Variants in ZNF324 observed in about 807,000 individuals in gnomAD.
ZNF324 encodes the protein zinc finger protein 324, also known as zinc finger protein 324A.
A neutral mutation model predicts 10.3 loss-of-function variants in ZNF324; 3 were observed. That is an observed-to-expected ratio of 0.29 (90% CI 0.13 to 0.75). ZNF324 has a LOEUF of 0.75. Ranked by LOEUF, ZNF324 falls within the 30% of genes least tolerant of loss-of-function variation. The pLI is 0.69. For missense variants in ZNF324, 763 were observed against 784.4 expected, an observed-to-expected ratio of 0.97 and a Z score of 0.33; for synonymous variants, 430 against 339.5, an observed-to-expected ratio of 1.27 and a Z score of -2.93.
chr19:58,468,336 T>C, intron 1 of ZNF324: 9 of 773,424 alleles, frequency 1.2e-5, no homozygotes, highest in Non-Finnish European at 1.4e-5. Flanking sequence ...CCTGGGGCTA[T>C]TGGGAAGAGC....
At position 58,472,477 on chromosome 19, in the gene ZNF324, G is replaced by A. The variant is rs2053045993; in HGVS notation, c.*323G>A. ...ACTGTGGTGCGGCTTCATGTGATAT[G>A]ACAGTGGATGCTAAGGTGAGAGGGA... On this transcript the variant is annotated 3_prime_UTR_variant, in exon 4 of 4. Transcript: ENST00000196482. 3.0e-6 allele frequency: 1 copy of A among 335,556 alleles called. No homozygotes were observed. The allele number at this position is 335,556 out of a possible 1,614,324, so 20.8% of individuals were successfully genotyped here.
In ZNF324 at chr19:58,471,684, G is replaced by A. The variant is rs143882732; in HGVS notation, c.1192G>A (p.Val398Met). 8 of 1,612,834 alleles carry A rather than the reference G, an allele frequency of 5.0e-6. No homozygotes were observed. The highest frequency in any genetic ancestry group is 1.7e-4 in the Middle Eastern group (1 of 6,014). Residue 398 changes from valine to methionine, a missense_variant, in exon 4 of 4, where the codon GTG (valine) becomes ATG (methionine). By Grantham distance (21) the Val-to-Met change is conservative. Around this residue, in one of 3 missense-constraint regions of ZNF324, gnomAD observed 153 missense variants for 269.0 expected, o/e 0.57. Coordinates refer to ENST00000196482, the MANE Select transcript of ZNF324 (RefSeq NM_014347.3). ...ERTHTGEKPF[V>M]CALCGAAFSQ... ...TACGCACACAGGCGAGAAGCCCTTC[G>A]TGTGCGCGCTCTGCGGTGCTGCCTT...
Position 58,475,051 on chromosome 19 carries a change from T to G in ZNF324, c.*2897T>G, listed in dbSNP as rs1478248920. 6.6e-6 allele frequency: 1 copy of G among 151,344 alleles called. No individual in the cohort carries two copies. Among genetic ancestry groups the G allele is most frequent in the Admixed American group, 6.6e-5 (1 of 15,216 alleles). 9.4% of individuals were successfully genotyped at this position (151,344 alleles called of 1,614,324 possible). A position where few individuals can be genotyped will look rare whatever the true frequency, so the allele number is the denominator to read the frequency against. ...CATGGTGGAGGGTGAAAGTTTTTGT[T>G]TTTTTTTCCTTCTGGGACTCTGCAT... On this transcript the variant is annotated 3_prime_UTR_variant, in exon 4 of 4. Coordinates refer to ENST00000196482, the MANE Select transcript of ZNF324 (RefSeq NM_014347.3).
intron 3 of ZNF324, among the ~76,000 whole-genome samples, chr19:58,470,315 G>C (rs2053016951): frequency 6.8e-6 from 1 of 147,892 alleles, no homozygotes; most frequent in South Asian, 2.3e-4. Context: ...CAGGATTCAG[G>C]AGTATAGTCT....
At position 58,475,038 on chromosome 19, in the gene ZNF324, T is replaced by C. The variant is rs1412140937; in HGVS notation, c.*2884T>C. The C allele has an allele frequency of 6.6e-6, 1 of 151,728 alleles. No homozygotes were observed. The highest frequency in any genetic ancestry group is 1.5e-5 in the Non-Finnish European group (1 of 67,946). 9.4% of individuals were successfully genotyped at this position (151,728 alleles called of 1,614,324 possible). ...AGTGCTCTCCCCACATGGTGGAGGG[T>C]GAAAGTTTTTGTTTTTTTTTCCTTC... On this transcript the variant is annotated 3_prime_UTR_variant, in exon 4 of 4. Transcript: ENST00000196482.
chr19:58,472,576 C>T lies in ZNF324; in HGVS notation c.*422C>T, dbSNP rs10406686. The T allele has an allele frequency of 0.019, 3,309 of 170,462 alleles. 111 individuals carry two copies. The highest frequency in any genetic ancestry group is 0.072 in the African/African-American group (3,037 of 42,194). 10.6% of individuals were successfully genotyped at this position (170,462 alleles called of 1,614,324 possible). ...ACAAACTGGCCGCTGGAGAGATGCC[C>T]GCTGAGGGTATTCTCCCCTCAACCC... On this transcript the variant is annotated 3_prime_UTR_variant, in exon 4 of 4. Coordinates refer to ENST00000196482, the MANE Select transcript of ZNF324 (RefSeq NM_014347.3).
chr19:58,473,901 T>G lies in ZNF324; in HGVS notation c.*1747T>G, dbSNP rs532915364. 3.9e-5 allele frequency: 6 copies of G among 152,444 alleles called. No individual in the cohort carries two copies. Among genetic ancestry groups the G allele is most frequent in the African/African-American group, 1.4e-4 (6 of 41,544 alleles). The allele number at this position is 152,444 out of a possible 1,614,324, so 9.4% of individuals were successfully genotyped here. On this transcript the variant is annotated 3_prime_UTR_variant, in exon 4 of 4. Transcript: ENST00000196482. ...GTGGATCCTGGCAATGGGAGGATGG[T>G]AGGTGGAGAAACCAAGGCAGGGCTG...
In ZNF324 at chr19:58,471,964, G is replaced by A. The variant is rs2053038519; in HGVS notation, c.1472G>A (p.Arg491His). The change falls in exon 4 of 4, where the codon CGT (arginine) becomes CAT (histidine). Residue 491 changes from arginine to histidine, a missense_variant. Physicochemically the swap from Arg to His is conservative, Grantham distance 29 (BLOSUM62 0). This residue lies in a region of ZNF324 where 231 missense variants were observed against 196.0 expected (regional missense o/e 1.18). Transcript: ENST00000196482. ...FVCTQCGRAF[R>H]ERPALFHHQR... The stretch of plus-strand genomic sequence containing the variant: ...TGTACGCAGTGTGGCCGCGCCTTCC[G>A]TGAGCGCCCGGCCCTCTTCCACCAC... The A allele has an allele frequency of 1.9e-6, 3 of 1,609,142 alleles. No homozygotes were observed. Among genetic ancestry groups the A allele is most frequent in the Non-Finnish European group, 1.7e-6 (2 of 1,179,352 alleles).
chr19:58,470,176 C>T (rs769829438), intron 3 of ZNF324, among the ~76,000 whole-genome samples: 46 of 152,282 alleles, frequency 3.0e-4, no homozygotes, highest in Non-Finnish European at 6.2e-4. Flanking sequence ...TCTTTGTGTT[C>T]AGCAAACATT....
rs967707621 is a variant in ZNF324 at position 58,467,203 on chromosome 19, G to C, written c.-7+20G>C. On this transcript the variant is annotated intron_variant, in intron 1 of 3. Coordinates refer to ENST00000196482, the MANE Select transcript of ZNF324 (RefSeq NM_014347.3). ...AGGAAGGTACTGGCTGAGGGCCCGC[G>C]TCGGGCCCGCCCTGCGCACGCGTCG... 6.6e-6 allele frequency: 1 copy of C among 152,580 alleles called. No homozygotes were observed. The highest frequency in any genetic ancestry group is 1.5e-5 in the Non-Finnish European group (1 of 68,290). 9.5% of individuals were successfully genotyped at this position (152,580 alleles called of 1,614,324 possible).
chr19:58,470,795 C>G lies in ZNF324; in HGVS notation c.303C>G (p.Thr101=). Residue 101 remains threonine (T), a synonymous_variant, in exon 4 of 4, where the codon ACC becomes ACG. Transcript: ENST00000196482. ...SGEWPRAFPD[T]PPGMTTSVFP... is the part of the protein sequence containing the mutation. Reference sequence around the variant, plus strand: ...AATGGCCACGAGCTTTCCCAGATACCCCACCTGGGATGACTACTAGCGTCT... The same window carrying G: ...AATGGCCACGAGCTTTCCCAGATACGCCACCTGGGATGACTACTAGCGTCT... 1 of 1,614,198 alleles carries G rather than the reference C, an allele frequency of 6.2e-7. No individual in the cohort carries two copies. The highest frequency in any genetic ancestry group is 8.5e-7 in the Non-Finnish European group (1 of 1,180,042).
intron 1 of ZNF324, among the ~76,000 whole-genome samples, chr19:58,468,834 T>C (rs1343390884): frequency 1.3e-5 from 2 of 151,734 alleles, no homozygotes; most frequent in African/African-American, 4.8e-5. Context: ...CTGAAGATGG[T>C]GGGGGCAGAA....
At position 58,475,219 on chromosome 19, in the gene ZNF324, C is replaced by G. The variant is rs1168231833; in HGVS notation, c.*3065C>G. The G allele has an allele frequency of 6.6e-6, 1 of 152,226 alleles. No homozygotes were observed. Among genetic ancestry groups the G allele is most frequent in the Non-Finnish European group, 1.5e-5 (1 of 68,052 alleles). 9.4% of individuals were successfully genotyped at this position (152,226 alleles called of 1,614,324 possible). On this transcript the variant is annotated 3_prime_UTR_variant, in exon 4 of 4. Coordinates refer to ENST00000196482, the MANE Select transcript of ZNF324 (RefSeq NM_014347.3). ...CAAGACCACTGCTCTTCATCCAGAG[C>G]AGGCAGCAGGGATTCCCAGGTATCC...
At position 58,471,368 on chromosome 19, in the gene ZNF324, G is replaced by A. The variant is rs143539592; in HGVS notation, c.876G>A (p.Lys292=). Reference sequence around the variant, plus strand: ...CCTACGAGTGCGCCCAGTGCGGCAAGGCCTTCAGCCAGACGTCGCACTTGA... The same window carrying A: ...CCTACGAGTGCGCCCAGTGCGGCAAAGCCTTCAGCCAGACGTCGCACTTGA... ...ERPYECAQCG[K]AFSQTSHLTQ... Residue 292 remains lysine (K), a synonymous_variant, in exon 4 of 4, where the codon AAG becomes AAA. Coordinates refer to ENST00000196482, the MANE Select transcript of ZNF324 (RefSeq NM_014347.3). 700 of 1,613,994 alleles carry A rather than the reference G, an allele frequency of 4.3e-4. 4 individuals carry two copies. The South Asian group carries it at 5.1e-3, about 12-fold the overall frequency.
Position 58,471,064 on chromosome 19 carries a change from C to T in ZNF324, c.572C>T (p.Thr191Met), listed in dbSNP as rs753629492. Residue 191 changes from threonine to methionine, a missense_variant, in exon 4 of 4, where the codon ACG (threonine) becomes ATG (methionine). Thr to Met is a moderately conservative substitution (Grantham distance 81, BLOSUM62 -1). Coordinates refer to ENST00000196482, the MANE Select transcript of ZNF324 (RefSeq NM_014347.3). ...GCGTTGCTGGGGAGGCAGCCCAGGACGCCTGAGCGGCAGAAACCATGTGCA... is the reference window on the plus strand; with the variant it reads ...GCGTTGCTGGGGAGGCAGCCCAGGATGCCTGAGCGGCAGAAACCATGTGCA... ...EHALLGRQPR[T>M]PERQKPCAQE... The T allele has an allele frequency of 8.1e-6, 13 of 1,613,882 alleles. No individual in the cohort carries two copies. The highest frequency in any genetic ancestry group is 2.2e-5 in the East Asian group (1 of 44,872).
At position 58,470,817 on chromosome 19, in the gene ZNF324, G is replaced by A. The variant is rs972129351; in HGVS notation, c.325G>A (p.Val109Ile). 1.2e-5 allele frequency: 20 copies of A among 1,614,036 alleles called. No homozygotes were observed. Among genetic ancestry groups the A allele is most frequent in the East Asian group, 2.2e-5 (1 of 44,890 alleles). ...TACCCCACCTGGGATGACTACTAGC[G>A]TCTTCCCTGTTGCCGGTGCCTGCCA... ...PDTPPGMTTS[V>I]FPVAGACHSV... is the part of the protein sequence containing the mutation. The change falls in exon 4 of 4, where the codon GTC becomes ATC. Residue 109 changes from valine (V) to isoleucine (I), a missense_variant. Val to Ile is a conservative substitution (Grantham distance 29). Transcript: ENST00000196482.
In ZNF324 at chr19:58,471,417, G is replaced by C; in HGVS notation, c.925G>C (p.Gly309Arg). 2 of 1,608,890 alleles carry C rather than the reference G, an allele frequency of 1.2e-6. No individual in the cohort carries two copies. The highest frequency in any genetic ancestry group is 1.7e-6 in the Non-Finnish European group (2 of 1,177,410). The change falls in exon 4 of 4, where the codon GGC (glycine) becomes CGC (arginine). Residue 309 changes from glycine to arginine, a missense_variant. Physicochemically the swap from Gly to Arg is moderately radical, Grantham distance 125. Around this residue, in one of 3 missense-constraint regions of ZNF324, gnomAD observed 153 missense variants for 269.0 expected, o/e 0.57. Coordinates refer to ENST00000196482, the MANE Select transcript of ZNF324 (RefSeq NM_014347.3). ...GACGCAGCACCAGCGCATCCACAGCGGCGAGACGCCCTACGCGTGCCCCGT... is the reference window on the plus strand; with the variant it reads ...GACGCAGCACCAGCGCATCCACAGCCGCGAGACGCCCTACGCGTGCCCCGT... ...HLTQHQRIHS[G>R]ETPYACPVCG... is the part of the protein sequence containing the mutation.
chr19:58,469,976 C>A (rs1472691464), intron 3 of ZNF324, 132 bp downstream of exon 3: 3 of 709,766 alleles, frequency 4.2e-6, no homozygotes, highest in Non-Finnish European at 7.1e-6. Flanking sequence ...CCATCATCAG[C>A]CCCTCCTGGA....
rs2053048602 is a variant in ZNF324 at position 58,472,721 on chromosome 19, G to C, written c.*567G>C. The C allele has an allele frequency of 6.5e-6, 1 of 153,244 alleles. No individual in the cohort carries two copies. The highest frequency in any genetic ancestry group is 1.5e-5 in the Non-Finnish European group (1 of 68,836). 9.5% of individuals were successfully genotyped at this position (153,244 alleles called of 1,614,324 possible). A position where few individuals can be genotyped will look rare whatever the true frequency, so the allele number is the denominator to read the frequency against. ...CACCTCTGGGAAAGAGAAAAGGTTT[G>C]GGTCCACTGAACATCATGTTTGTAG... On this transcript the variant is annotated 3_prime_UTR_variant, in exon 4 of 4. Transcript: ENST00000196482.
Sources: gnomAD v4.1 joint callset for allele counts (sites outside exome capture counted in the v4.1 genomes callset) on GRCh38, gnomAD v4.1.1 for gene constraint, gnomAD v4.1.1 regional missense constraint, MANE v1.5 for transcripts, NCBI Gene and HGNC (gene_info 2026-07-23, HGNC 2026-07-21) for gene names.